Variants in SH3D19 observed in about 807,000 individuals in gnomAD.
The protein encoded by SH3D19 is SH3 domain containing 19.
SH3D19 carries 58 observed loss-of-function variants against 112.1 expected under a neutral mutation model. The ratio of observed to expected loss-of-function variants is 0.52; its 90% CI spans 0.42 to 0.64. The LOEUF (loss-of-function observed/expected upper bound fraction) is 0.64, where lower values mean the gene tolerates loss of function less well. Among genes scored for constraint, SH3D19 ranks in the 30% least tolerant of loss-of-function variants. SH3D19 has a pLI of 0.00. For synonymous variants in SH3D19, 391 were observed against 448.5 expected, an observed-to-expected ratio of 0.87 and a Z score of 1.62; for missense variants, 1,090 against 1,263.4, an observed-to-expected ratio of 0.86 and a Z score of 2.08.
chr4:151,172,025 T>C (rs1316883505), intron 7 of SH3D19, among the ~76,000 whole-genome samples: 1 of 152,246 alleles, frequency 6.6e-6, no homozygotes, highest in African/African-American at 2.4e-5. Flanking sequence ...CTGAGATTAA[T>C]ATGGCAACTT....
At chr4:151,261,780 C>A (rs1772396755) in intron 1 of SH3D19, among the ~76,000 whole-genome samples, 1 of 152,100 alleles carries the variant, frequency 6.6e-6, no homozygotes, top group African/African-American at 2.4e-5. Context: ...GTAAAAAGGA[C>A]AGAGTAATGA....
intron 1 of SH3D19, among the ~76,000 whole-genome samples, chr4:151,243,133 A>G (rs1770682476): frequency 6.6e-6 from 1 of 152,210 alleles, no homozygotes; most frequent in Admixed American, 6.5e-5. Context: ...AAATAGCACA[A>G]TAAAAAAGAA....
chr4:151,237,582 G>A (rs1012396520), intron 1 of SH3D19, among the ~76,000 whole-genome samples: 1 of 152,084 alleles, frequency 6.6e-6, no homozygotes, highest in Non-Finnish European at 1.5e-5. Flanking sequence ...ACAAACTGAC[G>A]TCTCTAAGCT....
At chr4:151,228,773 C>G (rs374597270) in intron 1 of SH3D19, among the ~76,000 whole-genome samples, 1 of 152,142 alleles carries the variant, frequency 6.6e-6, no homozygotes, top group East Asian at 1.9e-4. Context: ...GAAATTTAAT[C>G]TTGGCTATAT....
intron 1 of SH3D19, among the ~76,000 whole-genome samples, chr4:151,287,861 CAA>C (rs1356097903): frequency 6.6e-6 from 1 of 151,918 alleles, no homozygotes; most frequent in African/African-American, 2.4e-5. Flanking sequence ...GCCTGGGAGA[CAA>C]AGTGAGACCC....
At chr4:151,148,701 T>C (rs755835407) in intron 10 of SH3D19, among the ~76,000 whole-genome samples, 106 of 152,346 alleles carry the variant, frequency 7.0e-4, no homozygotes, top group Admixed American at 1.2e-3. Flanking sequence ...TCTGAAAGGA[T>C]AGGACAACTA....
At chr4:151,310,481 C>T (rs747435358) in intron 1 of SH3D19, among the ~76,000 whole-genome samples, 1 of 152,072 alleles carries the variant, frequency 6.6e-6, no homozygotes, top group Non-Finnish European at 1.5e-5. Context: ...TTATGGAAAA[C>T]AGTACAGAGG....
At position 151,274,322 on chromosome 4, in the gene SH3D19, T is replaced by TA. The variant is rs529241816; in HGVS notation, c.113-48237dup. On this transcript the variant is annotated intron_variant, in intron 1 of 19. Coordinates refer to ENST00000604030, the MANE Select transcript of SH3D19 (RefSeq NM_001378122.1). ...ATCTTTATGCTACTTTACTGAGATA[T>TA]AGCAAACCTGGCATCTGCCCTGCCA... Among the ~76,000 whole-genome samples, 345 of 152,326 alleles carry TA rather than the reference T, an allele frequency of 2.3e-3. 6 individuals are homozygous for TA. Among genetic ancestry groups the TA allele is most frequent in the Admixed American group, 0.022 (329 of 15,300 alleles).
chr4:151,139,920 A>ATT, intron 12 of SH3D19, 73 bp from the exon 13 acceptor site: 21 of 1,277,576 alleles, frequency 1.6e-5, no homozygotes, highest in South Asian at 2.8e-5. Context: ...TCTGAGACCA[A>ATT]TTTTTTTTTT....
At chr4:151,291,260 C>T in intron 1 of SH3D19, 1 of 1,613,994 alleles carries the variant, frequency 6.2e-7, no homozygotes, top group Non-Finnish European at 8.5e-7. Flanking sequence ...ATTAATGCCA[C>T]TATTTCAAGA....
At chr4:151,188,561 T>G (rs945970328) in intron 2 of SH3D19, among the ~76,000 whole-genome samples, 1 of 152,230 alleles carries the variant, frequency 6.6e-6, no homozygotes, top group African/African-American at 2.4e-5. Context: ...TCAAAAAATT[T>G]CAAATTTTGA....
chr4:151,139,771 T>C lies in SH3D19; in HGVS notation c.2296+4A>G. 2 of 1,613,778 alleles carry C rather than the reference T, an allele frequency of 1.2e-6. No individual in the cohort carries two copies. Among genetic ancestry groups the C allele is most frequent in the Non-Finnish European group, 1.7e-6 (2 of 1,179,738 alleles). On this transcript the variant is annotated splice_donor_region_variant and intron_variant, in intron 13 of 19. Coordinates refer to ENST00000604030, the MANE Select transcript of SH3D19 (RefSeq NM_001378122.1). ...TTCTCCCACTGCATTATTTACATCCTTACCTGCTGGGAAATCATGAAGAAC... is the reference window on the plus strand; with the variant it reads ...TTCTCCCACTGCATTATTTACATCCCTACCTGCTGGGAAATCATGAAGAAC...
intron 1 of SH3D19, among the ~76,000 whole-genome samples, chr4:151,264,928 T>C (rs1772657757): frequency 6.6e-6 from 1 of 151,884 alleles, no homozygotes; most frequent in Non-Finnish European, 1.5e-5. Flanking sequence ...GAATAAAGAA[T>C]AAAAAATAAG....
intron 1 of SH3D19, among the ~76,000 whole-genome samples, chr4:151,315,316 C>A (rs1361384155): frequency 6.6e-6 from 1 of 152,168 alleles, no homozygotes; most frequent in Non-Finnish European, 1.5e-5. Context: ...TAAATATTAA[C>A]TTGTTATTTG....
intron 2 of SH3D19, among the ~76,000 whole-genome samples, chr4:151,188,954 C>T (rs1355222479): frequency 6.6e-6 from 1 of 152,018 alleles, no homozygotes; most frequent in African/African-American, 2.4e-5. Context: ...AAGAGCCAAA[C>T]CAAGGTACAC....
rs139147046 is a variant in SH3D19 at position 151,125,576 on chromosome 4, G to A, written c.3027+2042C>T. 7.9e-5 allele frequency among the ~76,000 whole-genome samples: 12 copies of A among 151,752 alleles called. No homozygotes were observed. In the East Asian group the frequency reaches 1.5e-3, roughly 20 times the overall value. On this transcript the variant is annotated intron_variant, in intron 19 of 19. Transcript: ENST00000604030. ...GGAAAGAAAGAAAGAGAGAGAGGCC[G>A]GGCATGGTGGCTCACACCTGTAACC...
chr4:151,144,778 G>A (rs1168792367), intron 11 of SH3D19, among the ~76,000 whole-genome samples: 2 of 152,138 alleles, frequency 1.3e-5, no homozygotes, highest in Admixed American at 6.5e-5. Flanking sequence ...TCCATTTCAT[G>A]GCCTGATCCC....
At chr4:151,176,059 A>G (rs1759914990) in intron 6 of SH3D19, among the ~76,000 whole-genome samples, 1 of 152,056 alleles carries the variant, frequency 6.6e-6, no homozygotes, top group African/African-American at 2.4e-5. Flanking sequence ...TTTTGCAGAG[A>G]TGGGATTTCA....
intron 1 of SH3D19, among the ~76,000 whole-genome samples, chr4:151,279,612 C>G (rs374926327): frequency 3.3e-5 from 5 of 152,316 alleles, no homozygotes; most frequent in African/African-American, 7.2e-5. Context: ...GAGCTACAAT[C>G]AGGGGAGTGG....
Sources: gnomAD v4.1 joint callset for allele counts (sites outside exome capture counted in the v4.1 genomes callset) on GRCh38, gnomAD v4.1.1 for gene constraint, MANE v1.5 for transcripts, NCBI Gene and HGNC (gene_info 2026-07-23, HGNC 2026-07-21) for gene names.